Variants in RETREG1 observed in about 807,000 individuals in gnomAD.
RETREG1 encodes family with sequence similarity 134 member B.
In RETREG1, 44 loss-of-function variants were observed where a neutral mutation model predicts 54.8. The observed-to-expected ratio is 0.80, with a 90% CI of 0.63 to 1.03. The LOEUF is 1.03. RETREG1 is among the 50% of genes least tolerant of loss of function. RETREG1 has a pLI of 0.00. For missense variants in RETREG1, 554 were observed against 605.1 expected (o/e 0.92, Z 0.89); for synonymous variants, 217 against 238.5 (o/e 0.91, Z 0.83).
At chr5:16,541,496 G>T (rs957835200) in intron 3 of RETREG1, among the ~76,000 whole-genome samples, 3 of 152,106 alleles carry the variant, frequency 2.0e-5, no homozygotes, top group African/African-American at 7.2e-5. Flanking sequence ...AGACCAGCCT[G>T]GCCAATATGG....
chr5:16,511,360 C>A (rs531994204), intron 3 of RETREG1, among the ~76,000 whole-genome samples: 2 of 152,286 alleles, frequency 1.3e-5, no homozygotes, highest in South Asian at 4.1e-4. Context: ...TGATTCTACC[C>A]AACCATAGGC....
intron 3 of RETREG1, among the ~76,000 whole-genome samples, chr5:16,496,956 G>T (rs1016033018): frequency 6.6e-6 from 1 of 152,168 alleles, no homozygotes; most frequent in African/African-American, 2.4e-5. Flanking sequence ...AAATCAGGCT[G>T]CAGGGTGGAT....
chr5:16,536,982 C>T (rs545519013), intron 3 of RETREG1, among the ~76,000 whole-genome samples: 2 of 152,104 alleles, frequency 1.3e-5, no homozygotes, highest in Non-Finnish European at 2.9e-5. Flanking sequence ...AGAGAGTTCA[C>T]ACAAAAGGTC....
At chr5:16,609,913 A>G (rs72748404) in intron 1 of RETREG1, among the ~76,000 whole-genome samples, 18,784 of 152,188 alleles carry the variant, frequency 0.12, 1,199 homozygotes, top group African/African-American at 0.15. Flanking sequence ...CTCAAACATA[A>G]TGGTTCTCAA....
chr5:16,511,935 T>C (rs964993409), intron 3 of RETREG1, among the ~76,000 whole-genome samples: 1 of 152,042 alleles, frequency 6.6e-6, no homozygotes, highest in Non-Finnish European at 1.5e-5. Context: ...CTTTCAACAC[T>C]GGAGATCACA....
chr5:16,481,591 T>C (rs1403065091), intron 4 of RETREG1, among the ~76,000 whole-genome samples: 3 of 152,064 alleles, frequency 2.0e-5, no homozygotes, highest in Admixed American at 2.0e-4. Context: ...ACAAATCTAA[T>C]GTAATTTATA....
At chr5:16,518,476 A>G (rs1242407612) in intron 3 of RETREG1, among the ~76,000 whole-genome samples, 1 of 151,566 alleles carries the variant, frequency 6.6e-6, no homozygotes, top group Non-Finnish European at 1.5e-5. Context: ...AATAATGAGT[A>G]TTTTCCATCT....
intron 3 of RETREG1, among the ~76,000 whole-genome samples, chr5:16,528,131 G>A (rs556810471): frequency 6.6e-6 from 1 of 152,142 alleles, no homozygotes. Context: ...TTTTAAACAC[G>A]CTTTATCACA....
chr5:16,513,830 C>G (rs1246683006), intron 3 of RETREG1, among the ~76,000 whole-genome samples: 1 of 152,226 alleles, frequency 6.6e-6, no homozygotes, highest in Non-Finnish European at 1.5e-5. Context: ...TGTTCTCAAA[C>G]CCCTGACTCT....
intron 3 of RETREG1, among the ~76,000 whole-genome samples, chr5:16,550,528 G>T (rs1297036982): frequency 6.6e-6 from 1 of 152,146 alleles, no homozygotes; most frequent in Non-Finnish European, 1.5e-5. Context: ...GCCCCCTTGT[G>T]GCAGATCAGA....
intron 1 of RETREG1, among the ~76,000 whole-genome samples, chr5:16,610,110 G>A (rs1022485285): frequency 6.6e-6 from 1 of 152,094 alleles, no homozygotes; most frequent in African/African-American, 2.4e-5. Context: ...ACGCAAGCTG[G>A]GGCACCCCAT....
At chr5:16,552,525 C>A (rs1252142689) in intron 3 of RETREG1, among the ~76,000 whole-genome samples, 1 of 152,148 alleles carries the variant, frequency 6.6e-6, no homozygotes, top group Non-Finnish European at 1.5e-5. Flanking sequence ...TTCTTAGAGA[C>A]CTCACAGATG....
At chr5:16,598,838 G>C (rs1026651003) in intron 1 of RETREG1, among the ~76,000 whole-genome samples, 3 of 152,172 alleles carry the variant, frequency 2.0e-5, no homozygotes, top group East Asian at 3.9e-4. Flanking sequence ...CTACGATTTA[G>C]AGTTTGATAC....
At chr5:16,495,678 G>C (rs1328168356) in intron 3 of RETREG1, among the ~76,000 whole-genome samples, 4 of 152,258 alleles carry the variant, frequency 2.6e-5, no homozygotes, top group Admixed American at 6.5e-5. Flanking sequence ...GCAGGTGCCT[G>C]TAGTCCCAGC....
intron 3 of RETREG1, among the ~76,000 whole-genome samples, chr5:16,523,993 G>C (rs1374804202): frequency 2.7e-4 from 41 of 152,148 alleles, no homozygotes. Context: ...GCCCCTCTCT[G>C]CCCTCTCAGC....
intron 3 of RETREG1, among the ~76,000 whole-genome samples, chr5:16,525,772 G>GGGA (rs1554019611): frequency 0.032 from 4,822 of 151,390 alleles, 103 homozygotes; most frequent in Non-Finnish European, 0.049. Context: ...ACACAGAGAG[G>GGGA]GAGAGAGAGA....
chr5:16,588,461 T>C (rs1160176232), intron 1 of RETREG1, among the ~76,000 whole-genome samples: 1 of 152,178 alleles, frequency 6.6e-6, no homozygotes, highest in Admixed American at 6.5e-5. Flanking sequence ...ACTTCAGCAT[T>C]TGAATTTGGG....
At position 16,593,041 on chromosome 5, in the gene RETREG1, C is replaced by CA. The variant is rs780429091; in HGVS notation, c.321-20940dup. Among the ~76,000 whole-genome samples the CA allele has an allele frequency of 2.2e-4, 33 of 150,120 alleles. No individual in the cohort carries two copies. The highest frequency in any genetic ancestry group is 1.1e-3 in the Admixed American group (16 of 15,080). On this transcript the variant is annotated intron_variant, in intron 1 of 8. Transcript: ENST00000306320. The surrounding 1 kb of genome is among the most constrained non-coding windows in gnomAD (Gnocchi z 4.9). The stretch of plus-strand genomic sequence containing the variant: ...AACACACTTGAACTTAAAAGTTTTT[C>CA]AAAAAAAAAGAAAAGGAAAATGTGG...
At chr5:16,589,187 G>A (rs77404341) in intron 1 of RETREG1, among the ~76,000 whole-genome samples, 19 of 152,280 alleles carry the variant, frequency 1.2e-4, no homozygotes, top group African/African-American at 3.1e-4. Context: ...ACCTGGATGC[G>A]GACTGTTGTC....
Sources: allele counts gnomAD v4.1 joint callset (sites outside exome capture counted in the v4.1 genomes callset), GRCh38; gene constraint gnomAD v4.1.1; non-coding constraint Gnocchi (gnomAD v3.1); transcripts MANE v1.5; gene names NCBI Gene and HGNC (gene_info 2026-07-23, HGNC 2026-07-21).